Variants in RILPL1 observed in about 807,000 individuals in gnomAD.
RILPL1 encodes Rab interacting lysosomal protein like 1.
A neutral mutation model predicts 50.3 loss-of-function variants in RILPL1; 33 were observed. That is an observed-to-expected ratio of 0.66 (90% CI 0.50 to 0.88). The LOEUF (loss-of-function observed/expected upper bound fraction) is 0.88, where lower values mean the gene tolerates loss of function less well. Among genes scored for constraint, RILPL1 ranks in the 40% least tolerant of loss-of-function variants. The pLI is 0.00. For synonymous variants in RILPL1, 205 were observed against 228.6 expected (o/e 0.90, Z 0.93); for missense variants, 418 against 542.5 (o/e 0.77, Z 2.28).
At chr12:123,511,220 G>A (rs1226159568) in intron 2 of RILPL1, among the ~76,000 whole-genome samples, 1 of 128,016 alleles carries the variant, frequency 7.8e-6, no homozygotes, top group Non-Finnish European at 1.6e-5. Context: ...GTGTGTGTGT[G>A]GTGTGTCTGA....
chr12:123,505,963 C>T (rs898075460), intron 2 of RILPL1, among the ~76,000 whole-genome samples: 3 of 152,262 alleles, frequency 2.0e-5, no homozygotes, highest in South Asian at 2.1e-4. Flanking sequence ...TACATGACAC[C>T]GAACTAGTCA....
chr12:123,485,549 G>T lies in RILPL1; in HGVS notation c.974+84C>A. The T allele has an allele frequency of 1.6e-6, 2 of 1,285,520 alleles. No individual in the cohort carries two copies. Among genetic ancestry groups the T allele is most frequent in the East Asian group, 2.4e-5 (1 of 41,886 alleles). 79.6% of individuals were successfully genotyped at this position (1,285,520 alleles called of 1,614,324 possible). A position where few individuals can be genotyped will look rare whatever the true frequency, so the allele number is the denominator to read the frequency against. On this transcript the variant is annotated intron_variant, in intron 5 of 6. Transcript: ENST00000376874. The surrounding 1 kb of genome is among the most constrained non-coding windows in gnomAD (Gnocchi z 4.0). ...ACACTGATGAAATGCTTGTCTTCCA[G>T]GGGGTAAGAAGGTAACTGTACAGAA...
Position 123,523,376 on chromosome 12 carries a change from G to A in RILPL1, c.460+119C>T, listed in dbSNP as rs533615959. 4 of 1,182,656 alleles carry A rather than the reference G, an allele frequency of 3.4e-6. No homozygotes were observed. In the South Asian group the frequency reaches 5.3e-5, roughly 16 times the overall value. The allele number at this position is 1,182,656 out of a possible 1,614,324, so 73.3% of individuals were successfully genotyped here. A position where few individuals can be genotyped will look rare whatever the true frequency, so the allele number is the denominator to read the frequency against. ...AAATCAACACAATACAGAAGGCAAA[G>A]GGCTTTGGGAATCAGCCAGCACCGC... On this transcript the variant is annotated intron_variant, in intron 2 of 6. Coordinates refer to ENST00000376874, the MANE Select transcript of RILPL1 (RefSeq NM_178314.5).
intron 5 of RILPL1, among the ~76,000 whole-genome samples, 176 bp from the exon 6 acceptor site, chr12:123,484,448 G>T (rs1426028155): frequency 1.3e-5 from 2 of 152,026 alleles, no homozygotes; most frequent in African/African-American, 2.4e-5. Context: ...CCCGTTTCCT[G>T]TCCTTACACA....
chr12:123,520,446 C>T (rs1227094002), intron 2 of RILPL1, among the ~76,000 whole-genome samples: 1 of 152,178 alleles, frequency 6.6e-6, no homozygotes, highest in Non-Finnish European at 1.5e-5. Flanking sequence ...GTAGTCGTAG[C>T]TACTTGGGAG....
At position 123,510,819 on chromosome 12, in the gene RILPL1, G is replaced by A. The variant is rs1884078821; in HGVS notation, c.461-11283C>T. On this transcript the variant is annotated intron_variant, in intron 2 of 6. Transcript: ENST00000376874. ...GTGATGTGTGTGTGTAGTGTGTGAG[G>A]TCTGTGTATGGTGTGTGTGAGGTCT... 2.4e-5 allele frequency among the ~76,000 whole-genome samples: 3 copies of A among 126,234 alleles called. No homozygotes were observed. The South Asian group carries it at 8.5e-4, about 36-fold the overall frequency. The allele number at this position is 126,234 out of a possible 152,430, so 82.8% of individuals were successfully genotyped here.
rs1232938689 is a variant in RILPL1, at chr12:123,523,524, A to G, written c.431T>C (p.Phe144Ser). ...MTNLSHKDVN[F>S]SEEEFQKHEG... ...ATGCTTCTGGAACTCCTCCTCTGAG[A>G]AATTGACATCCTTGTGGGAGAGGTT... Residue 144 changes from phenylalanine to serine, a missense_variant, in exon 2 of 7, where the codon TTC becomes TCC. Coordinates refer to ENST00000376874, the MANE Select transcript of RILPL1 (RefSeq NM_178314.5). The G allele has an allele frequency of 1.2e-6, 2 of 1,613,850 alleles. No homozygotes were observed. The highest frequency in any genetic ancestry group is 1.7e-6 in the Non-Finnish European group (2 of 1,179,868).
chr12:123,500,742 C>T (rs879888978), intron 2 of RILPL1, among the ~76,000 whole-genome samples: 9 of 152,098 alleles, frequency 5.9e-5, no homozygotes, highest in South Asian at 4.1e-4. Context: ...TAACAGTCCC[C>T]GCAACTCATA....
chr12:123,477,321 TTTTC>T (rs1478336922), intron 6 of RILPL1, among the ~76,000 whole-genome samples: 46 of 148,880 alleles, frequency 3.1e-4, no homozygotes, highest in African/African-American at 9.0e-4. Flanking sequence ...AGTTGGTATC[TTTTC>T]TTTCTTTCTT....
chr12:123,497,405 G>A (rs769492683), intron 4 of RILPL1, among the ~76,000 whole-genome samples: 3 of 151,678 alleles, frequency 2.0e-5, no homozygotes, highest in Non-Finnish European at 4.4e-5. Context: ...TGTTTTTTGA[G>A]ATGGGGTCTG....
intron 4 of RILPL1, among the ~76,000 whole-genome samples, chr12:123,487,212 G>T (rs550575102): frequency 3.9e-5 from 6 of 152,334 alleles, no homozygotes; most frequent in African/African-American, 1.4e-4. Flanking sequence ...CCCAGAAACA[G>T]AATCATACAT....
chr12:123,503,478 T>C (rs1228528610), intron 2 of RILPL1, among the ~76,000 whole-genome samples: 1 of 151,846 alleles, frequency 6.6e-6, no homozygotes, highest in Admixed American at 6.6e-5. Context: ...TGGGATTATA[T>C]AGGCATGAGC....
Position 123,472,541 on chromosome 12 carries a change from C to T in RILPL1, c.1209G>A (p.Leu403=), listed in dbSNP as rs1282027096. ...GGAGGGTGGAGATGGGCCAAGGTCA[C>T]AGATGCTGCAGGGCTTCCTGTCCTT... is the stretch of plus-strand genomic sequence containing the variant. ...TEQGQEALQH[L] Residue 403 remains leucine, a synonymous_variant, in exon 7 of 7, where the codon CTG becomes CTA. Coordinates refer to ENST00000376874, the MANE Select transcript of RILPL1 (RefSeq NM_178314.5). 5.2e-6 allele frequency: 8 copies of T among 1,551,270 alleles called. No homozygotes were observed. In the South Asian group the frequency reaches 8.3e-5, roughly 16 times the overall value.
chr12:123,512,914 G>GAC (rs1884449878), intron 2 of RILPL1, among the ~76,000 whole-genome samples: 1 of 130,940 alleles, frequency 7.6e-6, no homozygotes, highest in Non-Finnish European at 1.6e-5. Flanking sequence ...GTGCGTGTAT[G>GAC]TGTGTGGTGA....
intron 2 of RILPL1, among the ~76,000 whole-genome samples, chr12:123,518,949 C>T (rs9803100): frequency 0.14 from 20,546 of 147,208 alleles, 1,475 homozygotes; most frequent in Middle Eastern, 0.17. Flanking sequence ...CCAGGCTACT[C>T]GGGAGGCTGA....
chr12:123,489,671 TAAA>T lies in RILPL1; in HGVS notation c.802-3869_802-3867del, dbSNP rs35865984. Among the ~76,000 whole-genome samples, 13 of 142,810 alleles carry T rather than the reference TAAA, an allele frequency of 9.1e-5. No individual in the cohort carries two copies. The highest frequency in any genetic ancestry group is 1.2e-4 in the Non-Finnish European group (8 of 65,358). 93.7% of individuals were successfully genotyped at this position (142,810 alleles called of 152,430 possible). On this transcript the variant is annotated intron_variant, in intron 4 of 6. Transcript: ENST00000376874. The surrounding 1 kb of genome is among the most constrained non-coding windows in gnomAD (Gnocchi z 4.0). ...AGAGCGACAGAGTAAGACTCCATCTTAAAAAAAAAAAAAATAGTGCACAGACAC... is the reference window on the plus strand; with the variant it reads ...AGAGCGACAGAGTAAGACTCCATCTTAAAAAAAAAAATAGTGCACAGACAC...
rs1322332427 is a variant in RILPL1 at position 123,498,175 on chromosome 12, C to A, written c.801+369G>T. Among the ~76,000 whole-genome samples the A allele has an allele frequency of 1.3e-5, 2 of 152,036 alleles. No individual in the cohort carries two copies. The highest frequency in any genetic ancestry group is 1.3e-4 in the Admixed American group (2 of 15,256). Reference sequence around the variant, plus strand: ...ACCCCTCAGCTGTGTGTCCTCAGGCCAGTAGCTTGTTCTCTCTGAGCCTCT... The same window carrying A: ...ACCCCTCAGCTGTGTGTCCTCAGGCAAGTAGCTTGTTCTCTCTGAGCCTCT... On this transcript the variant is annotated intron_variant, in intron 4 of 6. Transcript: ENST00000376874. This position sits in a 1 kb window ranked among gnomAD's most constrained non-coding sequence, Gnocchi z 4.3.
In RILPL1 at chr12:123,472,535, A is replaced by G; in HGVS notation, c.*3T>C. 1.9e-6 allele frequency: 3 copies of G among 1,550,980 alleles called. No individual in the cohort carries two copies. Among genetic ancestry groups the G allele is most frequent in the South Asian group, 1.2e-5 (1 of 84,008 alleles). On this transcript the variant is annotated 3_prime_UTR_variant, in exon 7 of 7. Transcript: ENST00000376874. Reference sequence around the variant, plus strand: ...CAGGTTGGAGGGTGGAGATGGGCCAAGGTCACAGATGCTGCAGGGCTTCCT... The same window carrying G: ...CAGGTTGGAGGGTGGAGATGGGCCAGGGTCACAGATGCTGCAGGGCTTCCT...
Position 123,472,189 on chromosome 12 carries a change from T to G in RILPL1, c.*349A>C. Reference sequence around the variant, plus strand: ...CACATAGCATTTTATACAAAGCAAGTCAAACAGCAATGATAGTGGCAAGTG... The same window carrying G: ...CACATAGCATTTTATACAAAGCAAGGCAAACAGCAATGATAGTGGCAAGTG... On this transcript the variant is annotated 3_prime_UTR_variant, in exon 7 of 7. Coordinates refer to ENST00000376874, the MANE Select transcript of RILPL1 (RefSeq NM_178314.5). 1 of 253,928 alleles carries G rather than the reference T, an allele frequency of 3.9e-6. No individual in the cohort carries two copies. The highest frequency in any genetic ancestry group is 7.7e-6 in the Non-Finnish European group (1 of 130,314). The allele number at this position is 253,928 out of a possible 1,614,324, so 15.7% of individuals were successfully genotyped here.
Sources: allele counts gnomAD v4.1 joint callset (sites outside exome capture counted in the v4.1 genomes callset), GRCh38; gene constraint gnomAD v4.1.1; non-coding constraint Gnocchi (gnomAD v3.1); transcripts MANE v1.5; gene names NCBI Gene and HGNC (gene_info 2026-07-23, HGNC 2026-07-21).